Variants in GTF3C1 observed in about 807,000 individuals in gnomAD.
GTF3C1 encodes general transcription factor 3C polypeptide 1.
In GTF3C1, 57 loss-of-function variants were observed where a neutral mutation model predicts 226.7. That is an observed-to-expected ratio of 0.25 (90% CI 0.20 to 0.31). The LOEUF is 0.31. Ranked by LOEUF, GTF3C1 falls within the 10% of genes least tolerant of loss-of-function variation. The pLI is 1.00. For missense variants in GTF3C1, 2,217 were observed against 2,776.1 expected (o/e 0.80, Z 4.53); for synonymous variants, 1,090 against 1,084.8 (o/e 1.00, Z -0.09).
At position 27,464,716 on chromosome 16, in the gene GTF3C1, C is replaced by T. The variant is rs759165012; in HGVS notation, c.5476G>A (p.Asp1826Asn). ...GCCTGGGGGTCTTCTCTCTGGATGTCGGCGTCTTCTCTGTCTTTCAGCCGC... is the reference window on the plus strand; with the variant it reads ...GCCTGGGGGTCTTCTCTCTGGATGTTGGCGTCTTCTCTGTCTTTCAGCCGC... ...SVRLKDREDA[D>N]IQREDPQARP... The change falls in exon 34 of 37, where the codon GAC (aspartate) becomes AAC (asparagine). Residue 1826 changes from aspartate (D) to asparagine (N), a missense_variant. Asp to Asn is a conservative substitution (Grantham distance 23). Around this residue, in one of 12 missense-constraint regions of GTF3C1, gnomAD observed 455 missense variants for 441.9 expected, o/e 1.03. Transcript: ENST00000356183. The T allele has an allele frequency of 4.6e-5, 74 of 1,595,990 alleles. 2 individuals are homozygous for T. Among genetic ancestry groups the T allele is most frequent in the South Asian group, 1.5e-4 (14 of 90,484 alleles).
At chr16:27,485,515 T>C (rs1391198533) in intron 24 of GTF3C1, among the ~76,000 whole-genome samples, 1 of 152,200 alleles carries the variant, frequency 6.6e-6, no homozygotes, top group African/African-American at 2.4e-5. Flanking sequence ...GGAAGGTAAA[T>C]TGGAGCTTTT....
chr16:27,514,264 C>T (rs888993917), intron 6 of GTF3C1, among the ~76,000 whole-genome samples: 1 of 152,222 alleles, frequency 6.6e-6, no homozygotes, highest in Admixed American at 6.5e-5. Context: ...GCCGGGGCTC[C>T]TGCCGTCCCT....
chr16:27,505,057 G>A (rs1228511158), intron 10 of GTF3C1, among the ~76,000 whole-genome samples: 1 of 152,146 alleles, frequency 6.6e-6, no homozygotes, highest in Non-Finnish European at 1.5e-5. Context: ...AAAATACAGG[G>A]GGTGGCACTG....
chr16:27,517,568 G>A (rs1364139391), intron 6 of GTF3C1, among the ~76,000 whole-genome samples: 2 of 152,194 alleles, frequency 1.3e-5, no homozygotes, highest in South Asian at 2.1e-4. Context: ...TCACAGGCAC[G>A]AGGAGTTTCA....
At chr16:27,502,245 T>C (rs2088416656) in intron 11 of GTF3C1, among the ~76,000 whole-genome samples, 1 of 151,830 alleles carries the variant, frequency 6.6e-6, no homozygotes, top group Non-Finnish European at 1.5e-5. Flanking sequence ...AGACACGGAG[T>C]ATGAGGAAGA....
chr16:27,495,649 G>A (rs984595946), intron 14 of GTF3C1, among the ~76,000 whole-genome samples, 157 bp from the exon 15 acceptor site: 2 of 152,162 alleles, frequency 1.3e-5, no homozygotes, highest in East Asian at 1.9e-4. Flanking sequence ...GGGCAAGAAC[G>A]GATAATAAAA....
At chr16:27,549,187 C>CG (rs1342645376) in intron 1 of GTF3C1, among the ~76,000 whole-genome samples, 2 of 151,970 alleles carry the variant, frequency 1.3e-5, no homozygotes, top group Non-Finnish European at 2.9e-5. Flanking sequence ...AGCACCTCAC[C>CG]CATGAAGTCC....
intron 1 of GTF3C1, among the ~76,000 whole-genome samples, chr16:27,545,821 C>A (rs1441364846): frequency 6.6e-6 from 1 of 152,152 alleles, no homozygotes; most frequent in African/African-American, 2.4e-5. Flanking sequence ...AGTCTCCAAA[C>A]CACCAAGTTG....
intron 12 of GTF3C1, among the ~76,000 whole-genome samples, chr16:27,499,489 G>T: frequency 6.6e-6 from 1 of 152,298 alleles, no homozygotes; most frequent in South Asian, 2.1e-4. Flanking sequence ...AGCAAGGTCA[G>T]GCTGTCTGAG....
chr16:27,519,584 A>G (rs753790321), intron 6 of GTF3C1, among the ~76,000 whole-genome samples: 2 of 152,182 alleles, frequency 1.3e-5, no homozygotes, highest in East Asian at 1.9e-4. Context: ...AGAGTAAGTA[A>G]CCGATCCTCT....
intron 10 of GTF3C1, 80 bp from the exon 11 acceptor site, chr16:27,503,075 G>C (rs1167411006): frequency 9.4e-7 from 1 of 1,066,054 alleles, no homozygotes; most frequent in Non-Finnish European, 1.4e-6. Flanking sequence ...TGGGTGCACT[G>C]GCCCTCTTCA....
In GTF3C1 at chr16:27,461,976, A is replaced by G. The variant is rs1031278505; in HGVS notation, c.6117+318T>C. 5 of 392,178 alleles carry G rather than the reference A, an allele frequency of 1.3e-5. No individual in the cohort carries two copies. The highest frequency in any genetic ancestry group is 1.0e-4 in the African/African-American group (5 of 50,224). 24.3% of individuals were successfully genotyped at this position (392,178 alleles called of 1,614,324 possible). A position where few individuals can be genotyped will look rare whatever the true frequency, so the allele number is the denominator to read the frequency against. On this transcript the variant is annotated intron_variant, in intron 36 of 36. Transcript: ENST00000356183. This position sits in a 1 kb window ranked among gnomAD's most constrained non-coding sequence, Gnocchi z 5.3. ...AGGCACACATGGGAGTCAGCCAAGC[A>G]GGAAGCAGCTGCACCAGGGGGCAGC... is the stretch of plus-strand genomic sequence containing the variant.
chr16:27,539,663 T>A (rs931567684), intron 2 of GTF3C1, among the ~76,000 whole-genome samples: 14 of 152,228 alleles, frequency 9.2e-5, no homozygotes, highest in Non-Finnish European at 1.9e-4. Flanking sequence ...AAAGTTCACG[T>A]GTTAGAAACC....
At chr16:27,466,477 T>G (rs1401249132) in intron 32 of GTF3C1, 2 of 152,246 alleles carry the variant, frequency 1.3e-5, no homozygotes, top group Non-Finnish European at 2.9e-5. Context: ...TTCCCCATTT[T>G]CTTCCCTCTC....
chr16:27,541,254 A>G (rs2089077853), intron 2 of GTF3C1, among the ~76,000 whole-genome samples: 1 of 152,176 alleles, frequency 6.6e-6, no homozygotes, highest in South Asian at 2.1e-4. Context: ...CCTGGAGGTA[A>G]GAGGTGCAGC....
intron 6 of GTF3C1, among the ~76,000 whole-genome samples, chr16:27,518,930 G>A (rs142089327): frequency 5.9e-5 from 9 of 152,344 alleles, no homozygotes; most frequent in African/African-American, 2.2e-4. Context: ...CGTAACACTT[G>A]AGGCAAATTA....
At chr16:27,505,066 T>A (rs2088463841) in intron 10 of GTF3C1, among the ~76,000 whole-genome samples, 1 of 152,212 alleles carries the variant, frequency 6.6e-6, no homozygotes, top group African/African-American at 2.4e-5. Flanking sequence ...GGGGTGGCAC[T>A]GGCAGTGTCT....
intron 15 of GTF3C1, 75 bp from the exon 16 acceptor site, chr16:27,494,983 C>T: frequency 7.6e-7 from 1 of 1,319,758 alleles, no homozygotes. Context: ...AACGTCATCT[C>T]CCAGGAGGTC....
Position 27,494,869 on chromosome 16 carries a change from G to A in GTF3C1, c.2672C>T (p.Pro891Leu), listed in dbSNP as rs1488081844. 2 of 1,612,398 alleles carry A rather than the reference G, an allele frequency of 1.2e-6. No homozygotes were observed. The highest frequency in any genetic ancestry group is 4.5e-5 in the East Asian group (2 of 44,894). ...GCCGAAGTCCCTGTGGACTGGGATT[G>A]GGGGGATGTAGCGCATCCACGAGGC... Reference protein sequence around the residue: ...DDASWMRYIPPIPVHRDFGFG... With the variant: ...DDASWMRYIPLIPVHRDFGFG... The change falls in exon 16 of 37, where the codon CCA becomes CTA. Residue 891 changes from proline (P) to leucine (L), a missense_variant. By Grantham distance (98) the Pro-to-Leu change is moderately conservative. Around this residue, in one of 12 missense-constraint regions of GTF3C1, gnomAD observed 353 missense variants for 411.7 expected, o/e 0.86. Transcript: ENST00000356183.
Sources: allele counts gnomAD v4.1 joint callset (sites outside exome capture counted in the v4.1 genomes callset), GRCh38; gene constraint gnomAD v4.1.1; regional missense constraint gnomAD v4.1.1; non-coding constraint Gnocchi (gnomAD v3.1); transcripts MANE v1.5; gene names NCBI Gene and HGNC (gene_info 2026-07-23, HGNC 2026-07-21).